Variants in ST3GAL1 observed in about 807,000 individuals in gnomAD.
ST3GAL1 encodes ST3 beta-galactoside alpha-2,3-sialyltransferase 1.
A neutral mutation model predicts 34.1 loss-of-function variants in ST3GAL1; 16 were observed. That is an observed-to-expected ratio of 0.47 (90% CI 0.32 to 0.71). ST3GAL1 has a LOEUF of 0.71. Among genes scored for constraint, ST3GAL1 ranks in the 30% least tolerant of loss-of-function variants. The pLI is 0.04. For missense variants in ST3GAL1, 353 were observed against 447.4 expected (o/e 0.79, Z 1.90); for synonymous variants, 191 against 184.7 (o/e 1.03, Z -0.28).
At chr8:133,501,495 C>G (rs912264051) in intron 2 of ST3GAL1, among the ~76,000 whole-genome samples, 3 of 152,104 alleles carry the variant, frequency 2.0e-5, no homozygotes, top group Admixed American at 1.3e-4. Context: ...AGCCTGTAAT[C>G]CCAGCACTTT....
chr8:133,465,653 A>T (rs1000387742), intron 6 of ST3GAL1: 2 of 405,514 alleles, frequency 4.9e-6, no homozygotes, highest in African/African-American at 4.1e-5. Flanking sequence ...ACAACGGGGG[A>T]CCTCCCGTGT....
intron 2 of ST3GAL1, among the ~76,000 whole-genome samples, chr8:133,540,866 G>GACATATATAT (rs1157658797): frequency 2.4e-4 from 22 of 92,658 alleles, no homozygotes; most frequent in African/African-American, 9.0e-4. Context: ...CATATATATA[G>GACATATATAT]AGACATATAT....
At chr8:133,521,109 C>T (rs557049136) in intron 2 of ST3GAL1, among the ~76,000 whole-genome samples, 44 of 135,312 alleles carry the variant, frequency 3.3e-4, no homozygotes, top group African/African-American at 9.9e-4. Context: ...TGCACCACCA[C>T]ACCCAGCTAA....
chr8:133,521,385 A>G (rs922537564), intron 2 of ST3GAL1, among the ~76,000 whole-genome samples: 2 of 151,148 alleles, frequency 1.3e-5, no homozygotes, highest in African/African-American at 4.9e-5. Flanking sequence ...TGTAACCTCC[A>G]TCTCTTGGGT....
chr8:133,523,656 C>A (rs993497594), intron 2 of ST3GAL1, among the ~76,000 whole-genome samples: 3 of 152,212 alleles, frequency 2.0e-5, no homozygotes, highest in Admixed American at 2.0e-4. Flanking sequence ...TGGAGGCCTG[C>A]AAGAGGTCAG....
chr8:133,462,021 T>C, intron 8 of ST3GAL1, 27 bp from the exon 9 acceptor site: 1 of 1,613,592 alleles, frequency 6.2e-7, no homozygotes, highest in African/African-American at 1.3e-5. Flanking sequence ...ACACGGCCCT[T>C]AGTGAGTTCT....
chr8:133,552,302 C>T (rs1818886425), intron 1 of ST3GAL1, among the ~76,000 whole-genome samples: 1 of 152,178 alleles, frequency 6.6e-6, no homozygotes, highest in South Asian at 2.1e-4. Flanking sequence ...ACAGTCTAGC[C>T]AGATCAGTTC....
intron 1 of ST3GAL1, among the ~76,000 whole-genome samples, chr8:133,560,527 GAA>G (rs1212183538): frequency 6.6e-6 from 1 of 152,214 alleles, no homozygotes; most frequent in Non-Finnish European, 1.5e-5. Context: ...ACCAGGTGGA[GAA>G]AAGTCAGGAA....
intron 3 of ST3GAL1, among the ~76,000 whole-genome samples, chr8:133,496,982 AG>A (rs1816968293): frequency 1.3e-5 from 2 of 152,212 alleles, no homozygotes; most frequent in African/African-American, 2.4e-5. Context: ...CGTCTCTTCC[AG>A]CACACCCAGC....
intron 5 of ST3GAL1, among the ~76,000 whole-genome samples, chr8:133,473,693 A>T (rs1383317313): frequency 6.6e-6 from 1 of 152,234 alleles, no homozygotes; most frequent in Non-Finnish European, 1.5e-5. Context: ...GTGCACCCAC[A>T]CACACGCACA....
In ST3GAL1 at chr8:133,491,883, TG is replaced by T. The variant is rs953176083; in HGVS notation, c.-374+7251del. ...CCAGGCTCAGCCCCACCCCCATACCTGGGCCCCAGAGGAGAGGAAGAGTAGC... is the reference window on the plus strand; with the variant it reads ...CCAGGCTCAGCCCCACCCCCATACCTGGCCCCAGAGGAGAGGAAGAGTAGC... On this transcript the variant is annotated intron_variant, in intron 3 of 9. Transcript: ENST00000522652. Among the ~76,000 whole-genome samples, 11 of 152,174 alleles carry T rather than the reference TG, an allele frequency of 7.2e-5. No individual in the cohort carries two copies. In the East Asian group the frequency reaches 1.7e-3, roughly 24 times the overall value.
intron 3 of ST3GAL1, among the ~76,000 whole-genome samples, chr8:133,494,100 A>G (rs1408523535): frequency 6.6e-6 from 1 of 152,198 alleles, no homozygotes; most frequent in African/African-American, 2.4e-5. Flanking sequence ...TAGAAGGATA[A>G]ATTATTAGGA....
chr8:133,543,801 AT>A (rs1448549391), intron 2 of ST3GAL1, among the ~76,000 whole-genome samples: 1 of 152,082 alleles, frequency 6.6e-6, no homozygotes, highest in Non-Finnish European at 1.5e-5. Context: ...TAACATCATC[AT>A]CATCATCATC....
intron 3 of ST3GAL1, among the ~76,000 whole-genome samples, chr8:133,497,967 C>A (rs1235869297): frequency 6.6e-6 from 1 of 152,222 alleles, no homozygotes; most frequent in Admixed American, 6.5e-5. Context: ...TTTGCACCTG[C>A]TGTTCCCTCT....
Position 133,466,144 on chromosome 8 carries a change from G to T in ST3GAL1, c.307-54C>A. 1.9e-6 allele frequency: 3 copies of T among 1,553,194 alleles called. No homozygotes were observed. The highest frequency in any genetic ancestry group is 2.4e-5 in the South Asian group (2 of 83,086). On this transcript the variant is annotated intron_variant, in intron 5 of 9. Coordinates refer to ENST00000522652, the MANE Select transcript of ST3GAL1 (RefSeq NM_173344.3). This position sits in a 1 kb window ranked among gnomAD's most constrained non-coding sequence, Gnocchi z 4.4. ...CCTGGCTTTGTGGCTCCAGCCTCCT[G>T]GCAGCAGAGCCCCTGAGCTACCTGC...
intron 2 of ST3GAL1, among the ~76,000 whole-genome samples, chr8:133,522,251 G>A (rs955604407): frequency 2.7e-4 from 41 of 152,120 alleles, no homozygotes; most frequent in African/African-American, 9.9e-4. Flanking sequence ...CAGAGGATGT[G>A]GAAAAACGCA....
chr8:133,542,538 G>T (rs576599887), intron 2 of ST3GAL1, among the ~76,000 whole-genome samples: 1 of 152,304 alleles, frequency 6.6e-6, no homozygotes, highest in South Asian at 2.1e-4. Flanking sequence ...ACTTTGGGAG[G>T]CCAAGGCAGG....
rs1815711363 is a variant in ST3GAL1, at chr8:133,465,891, C to T, written c.503+3G>A. 1.9e-6 allele frequency: 3 copies of T among 1,612,716 alleles called. No homozygotes were observed. The highest frequency in any genetic ancestry group is 1.7e-6 in the Non-Finnish European group (2 of 1,179,164). On this transcript the variant is annotated splice_donor_region_variant and intron_variant, in intron 6 of 9. Transcript: ENST00000522652. ...TAGGCTTGGGAGAGGGTCTGGCACTCACCTGAGGACAAAGTCGTGACTGTC... is the reference window on the plus strand; with the variant it reads ...TAGGCTTGGGAGAGGGTCTGGCACTTACCTGAGGACAAAGTCGTGACTGTC...
At chr8:133,476,809 T>C (rs1304505674) in intron 3 of ST3GAL1, among the ~76,000 whole-genome samples, 1 of 152,240 alleles carries the variant, frequency 6.6e-6, no homozygotes, top group African/African-American at 2.4e-5. Flanking sequence ...AAGGTTATTA[T>C]GGGATGCAGA....
Sources: gnomAD v4.1 joint callset for allele counts (sites outside exome capture counted in the v4.1 genomes callset) on GRCh38, gnomAD v4.1.1 for gene constraint, Gnocchi (gnomAD v3.1) non-coding constraint, MANE v1.5 for transcripts, NCBI Gene and HGNC (gene_info 2026-07-23, HGNC 2026-07-21) for gene names.